The following APTX variants were observed in gnomAD, a reference collection of about 807,000 sequenced individuals.
APTX encodes forkhead-associated domain histidine triad-like protein.
Under a neutral mutation model 42.3 loss-of-function variants are expected in APTX, and 33 were observed. That is an observed-to-expected ratio of 0.78 (90% confidence interval 0.59 to 1.04). APTX has a LOEUF of 1.04. Ranked by LOEUF, APTX falls within the 50% of genes least tolerant of loss-of-function variation. The pLI is 0.00. For missense variants in APTX, 421 were observed against 415.1 expected, an observed-to-expected ratio of 1.01 and a Z score of -0.12; for synonymous variants, 130 against 146.7, an observed-to-expected ratio of 0.89 and a Z score of 0.82.
At chr9:33,001,082 G>A (rs1413186175) in intron 1 of APTX, among the ~76,000 whole-genome samples, 5 of 151,960 alleles carry the variant, frequency 3.3e-5, no homozygotes, top group African/African-American at 1.2e-4. Context: ...CCCGACCTCA[G>A]GTGATCCGCC....
chr9:32,985,761 T>C (rs1246167188), intron 5 of APTX, among the ~76,000 whole-genome samples: 1 of 152,166 alleles, frequency 6.6e-6, no homozygotes, highest in Non-Finnish European at 1.5e-5. Context: ...AGAGGGGATA[T>C]TCATTTGAAG....
upstream of APTX, among the ~76,000 whole-genome samples, chr9:33,002,729 T>C (rs1282882673): frequency 6.6e-6 from 1 of 152,226 alleles, no homozygotes; most frequent in Non-Finnish European, 1.5e-5. Flanking sequence ...GAATAAAGTC[T>C]TCCTTACCAT....
upstream of APTX, among the ~76,000 whole-genome samples, chr9:33,005,317 CAT>C (rs1358912690): frequency 6.6e-6 from 1 of 152,154 alleles, no homozygotes; most frequent in Non-Finnish European, 1.5e-5. Flanking sequence ...TCCAAGAAAA[CAT>C]TGCCAAATCT....
chr9:33,016,013 T>C (rs1837876043), intron 1 of APTX: 1 of 152,236 alleles, frequency 6.6e-6, no homozygotes, highest in Non-Finnish European at 1.5e-5. Flanking sequence ...AAGATGTATA[T>C]ACACAAAATG....
intron 1 of APTX, among the ~76,000 whole-genome samples, chr9:33,018,723 C>G (rs1245173758): frequency 7.1e-6 from 1 of 140,552 alleles, no homozygotes; most frequent in Non-Finnish European, 1.6e-5. Context: ...ACTAAAAATA[C>G]AAAAAATTAG....
At chr9:33,015,521 G>A (rs143953215) in intron 1 of APTX, among the ~76,000 whole-genome samples, 201 of 152,200 alleles carry the variant, frequency 1.3e-3, no homozygotes, top group African/African-American at 4.6e-3. Flanking sequence ...ATCATGCCCT[G>A]CTAATTTTTG....
intron 1 of APTX, among the ~76,000 whole-genome samples, chr9:33,016,792 C>G (rs1227397122): frequency 6.6e-6 from 1 of 152,124 alleles, no homozygotes; most frequent in Non-Finnish European, 1.5e-5. Flanking sequence ...TAGAGGAGGG[C>G]AGCCCAGGCA....
Position 32,988,115 on chromosome 9 carries a change from C to G in APTX, c.148G>C (p.Glu50Gln), listed in dbSNP as rs369431727. Residue 50 changes from glutamate to glutamine, a missense_variant, in exon 3 of 8, where the codon GAG becomes CAG. Coordinates refer to ENST00000379817, the MANE Select transcript of APTX (RefSeq NM_001195248.2). ...ACCTTGACATATCCCTTGTTACACT[C>G]TGCTTTCAACTGTACTGAAAGAGAT... ...CSRQQVQLKA[E>Q]CNKGYVKVKQ... 2 of 1,614,008 alleles carry G rather than the reference C, an allele frequency of 1.2e-6. No homozygotes were observed. Among genetic ancestry groups the G allele is most frequent in the Non-Finnish European group, 1.7e-6 (2 of 1,179,978 alleles).
At chr9:32,987,015 G>A (rs10971269) in intron 4 of APTX, among the ~76,000 whole-genome samples, 6,023 of 151,486 alleles carry the variant, frequency 0.04, 151 homozygotes, top group East Asian at 0.11. Flanking sequence ...GTTTCACAAT[G>A]TTTGCCAGGC....
chr9:32,986,354 C>T (rs968832562), intron 4 of APTX, among the ~76,000 whole-genome samples: 3 of 152,150 alleles, frequency 2.0e-5, no homozygotes, highest in African/African-American at 7.2e-5. Flanking sequence ...CACCACCACG[C>T]CCAGCTAACT....
chr9:33,012,737 C>G (rs1374076214), intron 1 of APTX, among the ~76,000 whole-genome samples: 1 of 152,198 alleles, frequency 6.6e-6, no homozygotes, highest in Admixed American at 6.5e-5. Context: ...CCTGCCCCAA[C>G]TGCGGAATTC....
Position 33,023,275 on chromosome 9 carries a change from G to T in APTX, c.-5+1748C>A, listed in dbSNP as rs530754855. 2.0e-5 allele frequency among the ~76,000 whole-genome samples: 3 copies of T among 151,772 alleles called. No individual in the cohort carries two copies. The South Asian group carries it at 6.3e-4, about 32-fold the overall frequency. On this transcript the variant is annotated intron_variant, in intron 1 of 6. Coordinates refer to the APTX transcript ENST00000436040. Reference sequence around the variant, plus strand: ...GTCTTGCTCTGTCAACCAGGCTGGAGTATAGCGGCACCATCTCTGCTCACT... The same window carrying T: ...GTCTTGCTCTGTCAACCAGGCTGGATTATAGCGGCACCATCTCTGCTCACT...
chr9:32,985,912 TC>T, intron 5 of APTX, 58 bp downstream of exon 5: 1 of 1,391,560 alleles, frequency 7.2e-7, no homozygotes, highest in Non-Finnish European at 1.0e-6. Context: ...AATTAAGACC[TC>T]TGTGGAGTGG....
intron 1 of APTX, among the ~76,000 whole-genome samples, chr9:33,017,501 C>T (rs995694222): frequency 7.5e-6 from 1 of 132,614 alleles, no homozygotes; most frequent in Non-Finnish European, 1.8e-5. Context: ...GCACTAATCC[C>T]ATGACGTAGT....
chr9:33,011,275 A>G (rs1479507911), intron 1 of APTX, among the ~76,000 whole-genome samples: 2 of 151,862 alleles, frequency 1.3e-5, no homozygotes, highest in Non-Finnish European at 2.9e-5. Flanking sequence ...GATTTTAATC[A>G]GTGGAGCACC....
chr9:32,996,939 T>C (rs1348178058), intron 1 of APTX, among the ~76,000 whole-genome samples: 1 of 152,240 alleles, frequency 6.6e-6, no homozygotes, highest in Non-Finnish European at 1.5e-5. Flanking sequence ...ATGCTAAATG[T>C]CTTACTTACA....
chr9:32,996,949 A>G (rs960993918), intron 1 of APTX, among the ~76,000 whole-genome samples: 8 of 152,224 alleles, frequency 5.3e-5, no homozygotes, highest in African/African-American at 2.4e-5. Context: ...TCTTACTTAC[A>G]TGGTCTCATT....
At chr9:32,995,087 G>C (rs1209025544) in intron 1 of APTX, among the ~76,000 whole-genome samples, 1 of 152,202 alleles carries the variant, frequency 6.6e-6, no homozygotes, top group Non-Finnish European at 1.5e-5. Context: ...TATACAGGGA[G>C]ATAAATATTG....
chr9:33,022,495 T>C (rs1332408949), intron 1 of APTX, among the ~76,000 whole-genome samples: 1 of 152,246 alleles, frequency 6.6e-6, no homozygotes, highest in Non-Finnish European at 1.5e-5. Context: ...TCTACATTCA[T>C]GTTGACTCAG....
Sources: allele counts gnomAD v4.1 joint callset (sites outside exome capture counted in the v4.1 genomes callset), GRCh38; gene constraint gnomAD v4.1.1; transcripts MANE v1.5; gene names NCBI Gene and HGNC (gene_info 2026-07-23, HGNC 2026-07-21).